The following PTPRQ variants were observed in gnomAD, a reference collection of about 807,000 sequenced individuals.
PTPRQ encodes protein tyrosine phosphatase receptor type Q.
A neutral mutation model predicts 246.0 loss-of-function variants in PTPRQ; 199 were observed. The observed-to-expected ratio is 0.81, with a 90% CI of 0.72 to 0.91. The LOEUF (loss-of-function observed/expected upper bound fraction) is 0.91, where lower values mean the gene tolerates loss of function less well. Ranked by LOEUF, PTPRQ falls within the 40% of genes least tolerant of loss-of-function variation. The probability of loss-of-function intolerance (pLI) is 0.00; values close to 1 mark genes in which losing one functional copy is unlikely to be tolerated. For synonymous variants in PTPRQ, 869 were observed against 853.2 expected (o/e 1.02, Z -0.32); for missense variants, 2,624 against 2,528.4 (o/e 1.04, Z -0.81).
intron 17 of PTPRQ, among the ~76,000 whole-genome samples, chr12:80,525,242 G>A (rs536477275): frequency 1.3e-5 from 2 of 152,260 alleles, no homozygotes; most frequent in African/African-American, 4.8e-5. Context: ...TGAAATAAGG[G>A]AACAGGTCAA....
intron 6 of PTPRQ, among the ~76,000 whole-genome samples, chr12:80,463,741 T>C (rs57251896): frequency 0.11 from 17,017 of 148,980 alleles, 1,374 homozygotes; most frequent in African/African-American, 0.22. Flanking sequence ...GAATTTTCAA[T>C]CCAGAATTTC....
intron 6 of PTPRQ, among the ~76,000 whole-genome samples, chr12:80,467,475 A>T (rs1893467490): frequency 6.6e-6 from 1 of 152,004 alleles, no homozygotes; most frequent in African/African-American, 2.4e-5. Flanking sequence ...TAGAACTAGA[A>T]ATACCATTTG....
At chr12:80,616,304 A>G (rs868739848) in intron 30 of PTPRQ, 38 bp downstream of exon 30, 1 of 1,433,784 alleles carries the variant, frequency 7.0e-7, no homozygotes, top group Middle Eastern at 2.1e-4. Flanking sequence ...AATGCTATTA[A>G]TCAGTGATTA....
intron 9 of PTPRQ, among the ~76,000 whole-genome samples, chr12:80,492,982 A>T (rs1894494675): frequency 6.6e-6 from 1 of 151,934 alleles, no homozygotes; most frequent in South Asian, 2.1e-4. Flanking sequence ...TTGCATGAGG[A>T]CGTCTTATCT....
chr12:80,482,377 A>T (rs2120597901), intron 8 of PTPRQ, among the ~76,000 whole-genome samples: 1 of 152,266 alleles, frequency 6.6e-6, no homozygotes, highest in East Asian at 1.9e-4. Context: ...AATTAATTCA[A>T]GATGGATTAA....
rs1895943018 is a variant in PTPRQ at position 80,534,905 on chromosome 12, T to C, written c.2853T>C (p.Pro951=). 1.3e-6 allele frequency: 2 copies of C among 1,549,438 alleles called. No homozygotes were observed. The highest frequency in any genetic ancestry group is 3.9e-5 in the Admixed American group (2 of 50,730). The change falls in exon 19 of 45, where the codon CCT becomes CCC. Residue 951 remains proline, a synonymous_variant. Transcript: ENST00000644991. ...FQTPEGAPSD[P]PKDVYYANLS... is the part of the protein sequence containing the mutation. ...TTTGTTTTATAGCACCAAGCGATCC[T>C]CCCAAAGATGTTTATTATGCAAACC...
chr12:80,615,946 A>AC (rs535696879), intron 29 of PTPRQ, among the ~76,000 whole-genome samples: 2 of 151,048 alleles, frequency 1.3e-5, no homozygotes, highest in South Asian at 4.1e-4. Context: ...CAGAACATCA[A>AC]TTTTTAGAAA....
At position 80,541,846 on chromosome 12, in the gene PTPRQ, G is replaced by A. The variant is rs771526189; in HGVS notation, c.3445+1G>A. The A allele has an allele frequency of 2.6e-6, 4 of 1,534,906 alleles. No individual in the cohort carries two copies. The South Asian group carries it at 3.7e-5, about 14-fold the overall frequency. ...CTATACATCAAGACTGAAGAAGATG[G>A]TAGGCTAGACCCTTTTATTGTCTGT... On this transcript the variant is annotated splice_donor_variant, in intron 21 of 44. Coordinates refer to ENST00000644991, the MANE Select transcript of PTPRQ (RefSeq NM_001145026.2). LOFTEE classifies it high-confidence loss of function.
chr12:80,642,126 T>C (rs1260312387), intron 35 of PTPRQ, among the ~76,000 whole-genome samples: 1 of 152,206 alleles, frequency 6.6e-6, no homozygotes. Context: ...AGAACCTTTA[T>C]AGAACACCTC....
chr12:80,613,401 A>C (rs927938351), intron 28 of PTPRQ, among the ~76,000 whole-genome samples, 191 bp from the exon 29 acceptor site: 2 of 150,756 alleles, frequency 1.3e-5, no homozygotes, highest in African/African-American at 4.8e-5. Flanking sequence ...CTGGATCACC[A>C]TTATGGTTGC....
chr12:80,603,007 T>C (rs992892588), intron 26 of PTPRQ, among the ~76,000 whole-genome samples: 5 of 151,736 alleles, frequency 3.3e-5, no homozygotes, highest in Admixed American at 1.3e-4. Context: ...TCCAAATTTG[T>C]CATCTCCTAC....
At chr12:80,476,339 T>C (rs181882891) in intron 8 of PTPRQ, among the ~76,000 whole-genome samples, 2 of 152,122 alleles carry the variant, frequency 1.3e-5, no homozygotes, top group African/African-American at 4.8e-5. Context: ...TATATTTTAG[T>C]GAAATAAAAC....
intron 8 of PTPRQ, among the ~76,000 whole-genome samples, chr12:80,483,161 T>A (rs1425036274): frequency 4.1e-4 from 48 of 116,814 alleles, no homozygotes; most frequent in African/African-American, 1.3e-3. Flanking sequence ...ATTAAGAAAA[T>A]GTGGCACATA....
At chr12:80,453,020 G>C (rs1020822115) in intron 3 of PTPRQ, among the ~76,000 whole-genome samples, 1 of 151,936 alleles carries the variant, frequency 6.6e-6, no homozygotes, top group Non-Finnish European at 1.5e-5. Flanking sequence ...ACGTAGATTT[G>C]GTCTTTTCAC....
chr12:80,661,236 T>A (rs969054415), intron 39 of PTPRQ, among the ~76,000 whole-genome samples: 1 of 150,028 alleles, frequency 6.7e-6, no homozygotes, highest in Admixed American at 6.7e-5. Context: ...TAAACACATA[T>A]ATGTGTGTAT....
chr12:80,553,976 G>A (rs1026032552), intron 25 of PTPRQ, among the ~76,000 whole-genome samples: 3 of 151,730 alleles, frequency 2.0e-5, no homozygotes, highest in East Asian at 1.9e-4. Flanking sequence ...CAAACTTCAT[G>A]TGTTCTCACT....
intron 25 of PTPRQ, among the ~76,000 whole-genome samples, chr12:80,558,629 G>A (rs1382263903): frequency 6.6e-6 from 1 of 152,068 alleles, no homozygotes; most frequent in African/African-American, 2.4e-5. Flanking sequence ...ATTTTCCTAT[G>A]TCTAGGATAT....
intron 18 of PTPRQ, 101 bp from the exon 19 acceptor site, chr12:80,534,791 T>A (rs1199905118): frequency 1.4e-6 from 2 of 1,380,862 alleles, no homozygotes; most frequent in Admixed American, 3.1e-5. Context: ...GAAAAACATT[T>A]TTTATCACTT....
At chr12:80,496,677 A>T in intron 14 of PTPRQ, 146 bp downstream of exon 14, 1 of 1,055,484 alleles carries the variant, frequency 9.5e-7, no homozygotes, top group South Asian at 2.1e-5. Context: ...TTTCTTTTTC[A>T]GGCAAAAGTG....
Sources: gnomAD v4.1 joint callset for allele counts (sites outside exome capture counted in the v4.1 genomes callset) on GRCh38, gnomAD v4.1.1 for gene constraint, MANE v1.5 for transcripts, NCBI Gene and HGNC (gene_info 2026-07-23, HGNC 2026-07-21) for gene names.